TSPAN11: variants seen among roughly 807,000 people sequenced by gnomAD.
The protein encoded by TSPAN11 is tetraspanin 11, also known as tetraspanin-11.
A neutral mutation model predicts 32.9 loss-of-function variants in TSPAN11; 29 were observed. The ratio of observed to expected loss-of-function variants is 0.88; its 90% CI spans 0.66 to 1.20. The LOEUF is 1.20. Ranked by LOEUF, TSPAN11 falls within the 50% of genes most tolerant of loss-of-function variation. TSPAN11 has a pLI of 0.00. For synonymous variants in TSPAN11, 140 were observed against 141.3 expected (o/e 0.99, Z 0.07); for missense variants, 283 against 329.1 (o/e 0.86, Z 1.08).
chr12:30,959,712 G>A (rs765176000), intron 2 of TSPAN11, among the ~76,000 whole-genome samples: 46 of 151,508 alleles, frequency 3.0e-4, no homozygotes, highest in African/African-American at 9.2e-4. Context: ...CCTGGGAGGC[G>A]GAGGTTGCAG....
chr12:30,980,230 T>G (rs1939061864), intron 5 of TSPAN11, among the ~76,000 whole-genome samples: 1 of 152,194 alleles, frequency 6.6e-6, no homozygotes. Context: ...GGACACCCAC[T>G]GGCCTGACCA....
intron 5 of TSPAN11, among the ~76,000 whole-genome samples, chr12:30,981,439 G>A (rs1939090639): frequency 1.3e-5 from 2 of 152,204 alleles, no homozygotes; most frequent in Non-Finnish European, 2.9e-5. Context: ...TGGCATGGAG[G>A]TACTTTTGTT....
intron 1 of TSPAN11, among the ~76,000 whole-genome samples, chr12:30,948,443 T>G (rs1219657488): frequency 1.3e-5 from 2 of 152,252 alleles, no homozygotes; most frequent in African/African-American, 4.8e-5. Flanking sequence ...ATGTGTCTTC[T>G]GAAATCTAGG....
At chr12:30,947,770 CT>C (rs538924565) in intron 1 of TSPAN11, among the ~76,000 whole-genome samples, 53 of 152,262 alleles carry the variant, frequency 3.5e-4, no homozygotes, top group African/African-American at 1.2e-3. Context: ...CATTCTGCCC[CT>C]AGCCCCTCCA....
At chr12:30,967,540 G>T (rs143757148) in intron 3 of TSPAN11, among the ~76,000 whole-genome samples, 1 of 152,304 alleles carries the variant, frequency 6.6e-6, no homozygotes, top group African/African-American at 2.4e-5. Context: ...CTTCTGTAGA[G>T]ACTTGCCTGC....
rs1254211699 is a variant in TSPAN11, at chr12:30,978,643, A to G, written c.351+8A>G. 2 of 1,613,936 alleles carry G rather than the reference A, an allele frequency of 1.2e-6. No homozygotes were observed. The highest frequency in any genetic ancestry group is 2.2e-5 in the South Asian group (2 of 91,062). ...CATGTGTATTACCAGAGGGTAAGTG[A>G]CGTTTCCTCCTCCTGCATCCTCTGT... On this transcript the variant is annotated splice_region_variant and intron_variant, in intron 4 of 7. Transcript: ENST00000546076.
At chr12:30,929,892 TC>T (rs1347374744) in intron 1 of TSPAN11, among the ~76,000 whole-genome samples, 2 of 152,248 alleles carry the variant, frequency 1.3e-5, no homozygotes, top group Non-Finnish European at 2.9e-5. Context: ...CAACACCATG[TC>T]CAGGTTTGGG....
At chr12:30,955,567 G>C (rs577760917) in intron 2 of TSPAN11, among the ~76,000 whole-genome samples, 1 of 152,238 alleles carries the variant, frequency 6.6e-6, no homozygotes, top group Non-Finnish European at 1.5e-5. Flanking sequence ...AAACTGGATG[G>C]CTTCAAACAA....
At chr12:30,963,703 G>A (rs1236039391) in intron 2 of TSPAN11, 123 bp from the exon 3 acceptor site, 8 of 1,053,610 alleles carry the variant, frequency 7.6e-6, no homozygotes, top group South Asian at 5.2e-5. Flanking sequence ...TACCATTCTC[G>A]CCTCCTTTGG....
chr12:30,991,995 A>C lies in TSPAN11; in HGVS notation c.*80A>C. 6.7e-7 allele frequency: 1 copy of C among 1,493,880 alleles called. No homozygotes were observed. The allele number at this position is 1,493,880 out of a possible 1,614,324, so 92.5% of individuals were successfully genotyped here. ...CATCTGCAAGGCCTGCAGAGTTAGC[A>C]CCAGCTCCACTAGGGCCATAGATGC... is the stretch of plus-strand genomic sequence containing the variant. On this transcript the variant is annotated 3_prime_UTR_variant, in exon 8 of 8. Coordinates refer to ENST00000546076, the MANE Select transcript of TSPAN11 (RefSeq NM_001370302.1).
At chr12:30,941,030 G>A (rs2140274941) in intron 1 of TSPAN11, among the ~76,000 whole-genome samples, 1 of 152,292 alleles carries the variant, frequency 6.6e-6, no homozygotes, top group Non-Finnish European at 1.5e-5. Context: ...TGGAAAAATT[G>A]TCTTCCACGA....
chr12:30,991,766 G>C, intron 7 of TSPAN11, 90 bp from the exon 8 acceptor site: 1 of 1,412,074 alleles, frequency 7.1e-7, no homozygotes, highest in Non-Finnish European at 1.0e-6. Flanking sequence ...CAGGGTATTC[G>C]AGTGAGCAGC....
At chr12:30,988,053 C>T (rs371472250) in intron 7 of TSPAN11, among the ~76,000 whole-genome samples, 2 of 152,310 alleles carry the variant, frequency 1.3e-5, no homozygotes, top group South Asian at 2.1e-4. Context: ...TGCACTTGAT[C>T]GGCAGAGGCC....
At chr12:30,968,136 A>G (rs1938775823) in intron 3 of TSPAN11, among the ~76,000 whole-genome samples, 1 of 152,204 alleles carries the variant, frequency 6.6e-6, no homozygotes, top group Non-Finnish European at 1.5e-5. Context: ...GAAATCTTGA[A>G]TCAGCTGACA....
At chr12:30,929,511 T>C (rs1937873131) in intron 1 of TSPAN11, among the ~76,000 whole-genome samples, 1 of 152,180 alleles carries the variant, frequency 6.6e-6, no homozygotes, top group Non-Finnish European at 1.5e-5. Context: ...ACGAAACATC[T>C]GCAAGGTGGA....
the TSPAN11 span, among the ~76,000 whole-genome samples, chr12:31,008,181 G>A: frequency 6.7e-6 from 1 of 148,496 alleles, no homozygotes; most frequent in Non-Finnish European, 1.5e-5. Flanking sequence ...CTACTTCCCT[G>A]TGGCTAACAC....
At chr12:30,945,926 T>C (rs917450020) in intron 1 of TSPAN11, among the ~76,000 whole-genome samples, 1 of 152,190 alleles carries the variant, frequency 6.6e-6, no homozygotes, top group African/African-American at 2.4e-5. Context: ...GAAGGCCCGC[T>C]GAGGCCCATT....
chr12:30,982,702 A>G lies in TSPAN11; in HGVS notation c.615+12A>G. 6.5e-7 allele frequency: 1 copy of G among 1,544,282 alleles called. No homozygotes were observed. Among genetic ancestry groups the G allele is most frequent in the Non-Finnish European group, 8.8e-7 (1 of 1,139,764 alleles). On this transcript the variant is annotated intron_variant, in intron 6 of 7. Transcript: ENST00000546076. ...TCTATAAGGTGGAGGTGAGCACCCAAGCTCAAGTTGGGGGTGAGGAGAGGG... is the reference window on the plus strand; with the variant it reads ...TCTATAAGGTGGAGGTGAGCACCCAGGCTCAAGTTGGGGGTGAGGAGAGGG...
intron 1 of TSPAN11, 48 bp downstream of exon 1, chr12:30,926,844 C>T: frequency 1.1e-6 from 1 of 947,508 alleles, no homozygotes; most frequent in Non-Finnish European, 1.4e-6. Flanking sequence ...CGGGAGGGGG[C>T]TGGGGGTCCA....
Sources: allele counts gnomAD v4.1 joint callset (sites outside exome capture counted in the v4.1 genomes callset), GRCh38; gene constraint gnomAD v4.1.1; transcripts MANE v1.5; gene names NCBI Gene and HGNC (gene_info 2026-07-23, HGNC 2026-07-21).